CSMD1: variants seen among roughly 807,000 people sequenced by gnomAD.
CSMD1 encodes the protein CUB and sushi domain-containing protein 1.
CSMD1 carries 213 observed loss-of-function variants against 417.5 expected under a neutral mutation model. That is an observed-to-expected ratio of 0.51 (90% confidence interval 0.46 to 0.57). The LOEUF (loss-of-function observed/expected upper bound fraction) is 0.57. CSMD1 is among the 20% of genes least tolerant of loss of function. The pLI, the probability that CSMD1 is intolerant of heterozygous loss-of-function variation, is 0.00. For missense variants in CSMD1, 6,923 were observed against 4,529.7 expected, an observed-to-expected ratio of 1.53 and a Z score of -15.17; for synonymous variants, 2,862 against 1,736.8, an observed-to-expected ratio of 1.65 and a Z score of -16.11.
At chr8:4,551,854 A>ATTTTTT (rs776721276) in intron 2 of CSMD1, among the ~76,000 whole-genome samples, 1 of 139,348 alleles carries the variant, frequency 7.2e-6, no homozygotes, top group Non-Finnish European at 1.6e-5. Context: ...AATTTTTTGT[A>ATTTTTT]TTTTTTTTTT....
chr8:3,039,402 TCCTTCCTTCTCTCCCTCCCTC>T (rs916747028), intron 50 of CSMD1, among the ~76,000 whole-genome samples: 4 of 138,736 alleles, frequency 2.9e-5, no homozygotes, highest in East Asian at 4.3e-4. Flanking sequence ...CCCCTTCCCT[TCCTTCCTTCTCTCCCTCCCTC>T]CCTTCCTTCC....
At chr8:3,239,973 T>C (rs142728038) in intron 26 of CSMD1, among the ~76,000 whole-genome samples, 1 of 149,120 alleles carries the variant, frequency 6.7e-6, no homozygotes, top group East Asian at 1.9e-4. Context: ...GAGCAGAAAG[T>C]ATATGTGTCA....
At chr8:4,293,948 T>G (rs1205448868) in intron 3 of CSMD1, among the ~76,000 whole-genome samples, 4 of 151,908 alleles carry the variant, frequency 2.6e-5, no homozygotes, top group Admixed American at 2.0e-4. Context: ...TTTAAACACT[T>G]TCTACAAGTT....
intron 2 of CSMD1, among the ~76,000 whole-genome samples, chr8:4,440,163 T>G (rs1046354717): frequency 3.9e-5 from 6 of 152,328 alleles, no homozygotes; most frequent in Admixed American, 1.3e-4. Context: ...TTTGGACGTT[T>G]CTTTCTAGAT....
chr8:3,675,182 T>A (rs1392345411), intron 7 of CSMD1, among the ~76,000 whole-genome samples: 4 of 152,134 alleles, frequency 2.6e-5, no homozygotes, highest in African/African-American at 9.7e-5. Flanking sequence ...CACTAGTGGC[T>A]CCTTTTCTCC....
intron 3 of CSMD1, among the ~76,000 whole-genome samples, chr8:4,090,324 C>T (rs1483673391): frequency 6.6e-6 from 1 of 152,140 alleles, no homozygotes; most frequent in African/African-American, 2.4e-5. Context: ...TATAAAGAAA[C>T]ATTAAACATG....
At chr8:4,844,533 C>T (rs1001044806) in intron 1 of CSMD1, among the ~76,000 whole-genome samples, 14 of 152,320 alleles carry the variant, frequency 9.2e-5, no homozygotes, top group Middle Eastern at 6.8e-3. Flanking sequence ...CCTGCTGCGA[C>T]TGGCTCGAGA....
chr8:4,287,260 A>G (rs1183769668), intron 3 of CSMD1, among the ~76,000 whole-genome samples: 2 of 152,282 alleles, frequency 1.3e-5, no homozygotes, highest in East Asian at 1.9e-4. Flanking sequence ...TCCCCCTCAC[A>G]TTCCTTGAAT....
At chr8:4,904,081 A>T (rs1262634495) in intron 1 of CSMD1, among the ~76,000 whole-genome samples, 1 of 152,156 alleles carries the variant, frequency 6.6e-6, no homozygotes, top group African/African-American at 2.4e-5. Flanking sequence ...TACCATGGAA[A>T]AGAACCAGGA....
At chr8:4,342,811 C>T (rs183822822) in intron 3 of CSMD1, among the ~76,000 whole-genome samples, 2 of 151,800 alleles carry the variant, frequency 1.3e-5, no homozygotes, top group East Asian at 1.9e-4. Context: ...TTCGTTCCTG[C>T]CACAACATCG....
chr8:3,948,904 G>C (rs142141992), intron 5 of CSMD1, among the ~76,000 whole-genome samples: 3 of 151,256 alleles, frequency 2.0e-5, no homozygotes, highest in Middle Eastern at 3.4e-3. Flanking sequence ...TTTTTTTTCA[G>C]AACACTGACT....
At chr8:3,813,145 G>A (rs1801179069) in intron 5 of CSMD1, among the ~76,000 whole-genome samples, 1 of 148,380 alleles carries the variant, frequency 6.7e-6, no homozygotes, top group African/African-American at 2.5e-5. Flanking sequence ...GTTCCCACTG[G>A]CATTGTAACA....
chr8:3,274,621 G>C (rs950462237), intron 26 of CSMD1, among the ~76,000 whole-genome samples: 1 of 152,208 alleles, frequency 6.6e-6, no homozygotes, highest in Non-Finnish European at 1.5e-5. Context: ...CCTGTATTGG[G>C]TGCATATATA....
chr8:3,013,065 G>A (rs763379980), intron 52 of CSMD1, among the ~76,000 whole-genome samples: 4 of 152,122 alleles, frequency 2.6e-5, no homozygotes, highest in African/African-American at 7.2e-5. Flanking sequence ...CCAGCCAGGT[G>A]GAACTGTGAG....
intron 40 of CSMD1, among the ~76,000 whole-genome samples, chr8:3,145,908 G>A (rs1381734473): frequency 1.3e-5 from 2 of 152,364 alleles, no homozygotes; most frequent in East Asian, 3.9e-4. Context: ...CACCTGCACA[G>A]AGAATTTTTG....
intron 12 of CSMD1, among the ~76,000 whole-genome samples, chr8:3,423,349 G>A (rs1179481905): frequency 6.6e-6 from 1 of 151,884 alleles, no homozygotes; most frequent in African/African-American, 2.4e-5. Context: ...CCTTTCCCTT[G>A]CTCCTGGCAA....
intron 40 of CSMD1, among the ~76,000 whole-genome samples, chr8:3,148,765 T>C (rs1249987645): frequency 1.3e-5 from 2 of 152,216 alleles, no homozygotes; most frequent in East Asian, 1.9e-4. Flanking sequence ...ATTCCAAATG[T>C]TGACCACGTT....
At chr8:4,699,083 G>A (rs571841102) in intron 1 of CSMD1, among the ~76,000 whole-genome samples, 2 of 152,272 alleles carry the variant, frequency 1.3e-5, no homozygotes, top group East Asian at 1.9e-4. Flanking sequence ...TAGATGTCCT[G>A]CTAGAGTTTG....
intron 5 of CSMD1, among the ~76,000 whole-genome samples, chr8:3,910,452 G>C (rs535276290): frequency 4.6e-5 from 7 of 152,266 alleles, no homozygotes; most frequent in Admixed American, 6.5e-5. Flanking sequence ...AAATTTAAGT[G>C]TTCAGGTTTT....
Sources: gnomAD v4.1 joint callset for allele counts (sites outside exome capture counted in the v4.1 genomes callset) on GRCh38, gnomAD v4.1.1 for gene constraint, MANE v1.5 for transcripts, NCBI Gene and HGNC (gene_info 2026-07-23, HGNC 2026-07-21) for gene names.